Variants in RPTOR observed in about 807,000 individuals in gnomAD.
The protein encoded by RPTOR is regulatory-associated protein of mTOR.
RPTOR carries 21 observed loss-of-function variants against 169.9 expected under a neutral mutation model. The ratio of observed to expected loss-of-function variants is 0.12; its 90% CI spans 0.09 to 0.18. The LOEUF (loss-of-function observed/expected upper bound fraction) is 0.18, where lower values mean the gene tolerates loss of function less well. RPTOR is among the 10% of genes least tolerant of loss of function. The probability of loss-of-function intolerance (pLI) is 1.00; values close to 1 mark genes in which losing one functional copy is unlikely to be tolerated. For missense variants in RPTOR, 1,133 were observed against 1,855.9 expected (o/e 0.61, Z 7.16); for synonymous variants, 732 against 753.2 (o/e 0.97, Z 0.46).
At chr17:80,720,305 A>T (rs557839551) in intron 4 of RPTOR, among the ~76,000 whole-genome samples, 1 of 152,312 alleles carries the variant, frequency 6.6e-6, no homozygotes, top group East Asian at 1.9e-4. Context: ...CAAAAAAAAA[A>T]AGATGGATCA....
chr17:80,939,632 G>C (rs895367666), intron 24 of RPTOR, among the ~76,000 whole-genome samples: 1 of 152,126 alleles, frequency 6.6e-6, no homozygotes, highest in African/African-American at 2.4e-5. Flanking sequence ...GCCCAGGAAG[G>C]TCCCACACTC....
chr17:80,763,872 AT>A (rs899417687), intron 6 of RPTOR, among the ~76,000 whole-genome samples: 2 of 151,244 alleles, frequency 1.3e-5, no homozygotes, highest in Non-Finnish European at 3.0e-5. Context: ...TATATTTTTT[AT>A]TTTTTTTTAC....
chr17:80,599,950 A>G (rs1018479429), intron 1 of RPTOR, among the ~76,000 whole-genome samples: 11 of 152,236 alleles, frequency 7.2e-5, no homozygotes, highest in African/African-American at 2.6e-4. Context: ...AAGGAAGAGG[A>G]CTTCCTGGGT....
intron 5 of RPTOR, among the ~76,000 whole-genome samples, chr17:80,742,318 G>T (rs1038903747): frequency 6.6e-6 from 1 of 152,126 alleles, no homozygotes; most frequent in Non-Finnish European, 1.5e-5. Context: ...ATTACACAAG[G>T]GGAGGAGCTG....
intron 10 of RPTOR, among the ~76,000 whole-genome samples, chr17:80,838,773 A>G (rs1314480845): frequency 6.6e-6 from 1 of 152,146 alleles, no homozygotes; most frequent in African/African-American, 2.4e-5. Flanking sequence ...GCCACACCTG[A>G]GACACCACCG....
chr17:80,958,303 G>A (rs558445341), intron 29 of RPTOR, among the ~76,000 whole-genome samples: 90 of 150,786 alleles, frequency 6.0e-4, no homozygotes, highest in African/African-American at 1.8e-3. Flanking sequence ...ATTTGCCCAA[G>A]CTGGTCTCGA....
At position 80,549,395 on chromosome 17, in the gene RPTOR, C is replaced by T. The variant is rs1000873852; in HGVS notation, c.162+3604C>T. On this transcript the variant is annotated intron_variant, in intron 1 of 33. Transcript: ENST00000306801. ...TGTGTTTTTGGCTCACTGCAACCTC[C>T]GCCTCTTGGGTTCAAGCGATTCTCC... Among the ~76,000 whole-genome samples, 56 of 152,226 alleles carry T rather than the reference C, an allele frequency of 3.7e-4. 1 individual carries two copies. Among genetic ancestry groups the T allele is most frequent in the Middle Eastern group, 3.4e-3 (1 of 294 alleles).
intron 9 of RPTOR, among the ~76,000 whole-genome samples, chr17:80,831,491 G>A (rs2067502830): frequency 6.6e-6 from 1 of 152,244 alleles, no homozygotes; most frequent in African/African-American, 2.4e-5. Flanking sequence ...ACACAGGAGG[G>A]AGGCTTCTGG....
Position 80,730,758 on chromosome 17 carries a change from T to TTTTTCCGGG in RPTOR, c.654+52_654+53insTTTTCCGGG. 1 of 467,220 alleles carries TTTTTCCGGG rather than the reference T, an allele frequency of 2.1e-6. No individual in the cohort carries two copies. The allele number at this position is 467,220 out of a possible 1,614,324, so 28.9% of individuals were successfully genotyped here. A position where few individuals can be genotyped will look rare whatever the true frequency, so the allele number is the denominator to read the frequency against. On this transcript the variant is annotated intron_variant, in intron 5 of 33. Coordinates refer to ENST00000306801, the MANE Select transcript of RPTOR (RefSeq NM_020761.3). This position sits in a 1 kb window ranked among gnomAD's most constrained non-coding sequence, Gnocchi z 4.2. ...GTGCTGGGTTTGGTTTTGTTTTCCCTGGGGGTGGGGTTTGGGTGGGGAGGT... is the reference window on the plus strand; with the variant it reads ...GTGCTGGGTTTGGTTTTGTTTTCCCTTTTTCCGGGGGGGGTGGGGTTTGGGTGGGGAGGT...
At chr17:80,647,554 C>G (rs1567837825) in intron 3 of RPTOR, among the ~76,000 whole-genome samples, 1 of 152,066 alleles carries the variant, frequency 6.6e-6, no homozygotes, top group African/African-American at 2.4e-5. Flanking sequence ...GTGGACAACA[C>G]CAGAAGCAGA....
chr17:80,886,397 T>C (rs2589127), intron 17 of RPTOR, among the ~76,000 whole-genome samples: 10,315 of 152,300 alleles, frequency 0.068, 720 homozygotes, highest in African/African-American at 0.17. Context: ...TCTGACTTTG[T>C]TGCCATCACG....
At chr17:80,629,014 C>T (rs2065418105) in intron 2 of RPTOR, among the ~76,000 whole-genome samples, 2 of 150,302 alleles carry the variant, frequency 1.3e-5, no homozygotes, top group Non-Finnish European at 3.0e-5. Context: ...TACCGCAGCT[C>T]TTCTGTGTGT....
intron 17 of RPTOR, among the ~76,000 whole-genome samples, chr17:80,887,620 G>A (rs1398554458): frequency 6.6e-6 from 1 of 152,168 alleles, no homozygotes; most frequent in East Asian, 1.9e-4. Context: ...GCTGGGGTTG[G>A]GGAGTAGAAC....
At chr17:80,895,425 C>T (rs905662486) in intron 20 of RPTOR, among the ~76,000 whole-genome samples, 5 of 152,356 alleles carry the variant, frequency 3.3e-5, no homozygotes, top group East Asian at 3.9e-4. Context: ...ACGTGCTGTA[C>T]GTGTAACTTG....
At chr17:80,841,617 T>C (rs545227204) in intron 10 of RPTOR, among the ~76,000 whole-genome samples, 1 of 126,824 alleles carries the variant, frequency 7.9e-6, no homozygotes, top group South Asian at 2.6e-4. Flanking sequence ...CAGCTCACTC[T>C]CACCGCAGGG....
intron 13 of RPTOR, among the ~76,000 whole-genome samples, chr17:80,858,758 G>A (rs2067884671): frequency 2.0e-5 from 3 of 152,160 alleles, no homozygotes; most frequent in Admixed American, 2.0e-4. Flanking sequence ...AGGGAGGGCT[G>A]GGAAGACATT....
At chr17:80,610,192 TCTC>T (rs1023952086) in intron 1 of RPTOR, among the ~76,000 whole-genome samples, 8 of 152,162 alleles carry the variant, frequency 5.3e-5, no homozygotes, top group African/African-American at 1.9e-4. Context: ...TCCTTCTCCT[TCTC>T]CTTCCCTCCT....
chr17:80,942,293 C>T (rs571281112), intron 25 of RPTOR, among the ~76,000 whole-genome samples: 2 of 151,538 alleles, frequency 1.3e-5, no homozygotes, highest in Non-Finnish European at 2.9e-5. Context: ...AGTTCAACAT[C>T]TGAAGATGAG....
At chr17:80,815,027 A>G (rs969110569) in intron 7 of RPTOR, among the ~76,000 whole-genome samples, 2 of 152,252 alleles carry the variant, frequency 1.3e-5, no homozygotes, top group South Asian at 2.1e-4. Flanking sequence ...CAAGTCTGAC[A>G]TGGCTGGAAA....
Sources: gnomAD v4.1 joint callset for allele counts (sites outside exome capture counted in the v4.1 genomes callset) on GRCh38, gnomAD v4.1.1 for gene constraint, Gnocchi (gnomAD v3.1) non-coding constraint, MANE v1.5 for transcripts, NCBI Gene and HGNC (gene_info 2026-07-23, HGNC 2026-07-21) for gene names.